Variants in TMEM132D observed in about 807,000 individuals in gnomAD.
TMEM132D encodes transmembrane protein 132D.
TMEM132D carries 21 observed loss-of-function variants against 62.3 expected under a neutral mutation model. The observed-to-expected ratio is 0.34, with a 90% CI of 0.24 to 0.49. The LOEUF is 0.49. TMEM132D is among the 20% of genes least tolerant of loss of function. The probability of loss-of-function intolerance (pLI) is 0.99; values close to 1 mark genes in which losing one functional copy is unlikely to be tolerated. For missense variants in TMEM132D, 1,346 were observed against 1,402.8 expected (o/e 0.96, Z 0.65); for synonymous variants, 621 against 575.6 (o/e 1.08, Z -1.13).
At chr12:129,491,856 C>T (rs2137060862) in intron 3 of TMEM132D, among the ~76,000 whole-genome samples, 1 of 152,136 alleles carries the variant, frequency 6.6e-6, no homozygotes, top group Middle Eastern at 3.4e-3. Context: ...GCAGGAGAAT[C>T]ACTTGAACTC....
chr12:129,778,376 A>G (rs979377614), intron 1 of TMEM132D, among the ~76,000 whole-genome samples: 2 of 152,046 alleles, frequency 1.3e-5, no homozygotes, highest in African/African-American at 4.8e-5. Flanking sequence ...CAGTCCTATA[A>G]AAGGCTTCAT....
At chr12:129,730,723 C>T (rs1293014514) in intron 1 of TMEM132D, among the ~76,000 whole-genome samples, 1 of 151,800 alleles carries the variant, frequency 6.6e-6, no homozygotes, top group African/African-American at 2.4e-5. Context: ...AATCAGCTGC[C>T]AGCACGGCTG....
intron 5 of TMEM132D, among the ~76,000 whole-genome samples, chr12:129,121,081 T>C (rs549159398): frequency 2.0e-5 from 3 of 151,412 alleles, no homozygotes; most frequent in Non-Finnish European, 4.4e-5. Flanking sequence ...CTGATTTTAT[T>C]TTATTATTTT....
chr12:129,523,190 T>C (rs555157712), intron 3 of TMEM132D, among the ~76,000 whole-genome samples: 83 of 152,316 alleles, frequency 5.4e-4, no homozygotes, highest in Middle Eastern at 6.8e-3. Flanking sequence ...TAGTAGCACA[T>C]AGTTTTCTAC....
intron 1 of TMEM132D, among the ~76,000 whole-genome samples, chr12:129,826,909 G>GA (rs1872678458): frequency 6.6e-6 from 1 of 152,168 alleles, no homozygotes; most frequent in Non-Finnish European, 1.5e-5. Flanking sequence ...AGTTGTGAAA[G>GA]AAAAATAGAG....
intron 4 of TMEM132D, among the ~76,000 whole-genome samples, chr12:129,305,750 T>G (rs1223351530): frequency 6.6e-6 from 1 of 152,158 alleles, no homozygotes. Context: ...ATAATAGCAC[T>G]GCGTCTCTCA....
chr12:129,466,126 A>T (rs1389247582), intron 3 of TMEM132D, among the ~76,000 whole-genome samples: 1 of 143,608 alleles, frequency 7.0e-6, no homozygotes, highest in Non-Finnish European at 1.6e-5. Context: ...CTATAGATTT[A>T]TTATTGATAA....
chr12:129,408,234 T>A (rs1320311026), intron 3 of TMEM132D, among the ~76,000 whole-genome samples: 1 of 152,242 alleles, frequency 6.6e-6, no homozygotes, highest in African/African-American at 2.4e-5. Context: ...TGCTTTTTCT[T>A]CATTATGCCT....
intron 1 of TMEM132D, among the ~76,000 whole-genome samples, chr12:129,757,650 C>T (rs1032719069): frequency 6.6e-6 from 1 of 152,170 alleles, no homozygotes; most frequent in African/African-American, 2.4e-5. Flanking sequence ...ATGACTTCCT[C>T]CAGAGCTGCC....
chr12:129,214,559 T>C (rs979635516), intron 4 of TMEM132D, among the ~76,000 whole-genome samples: 4 of 152,344 alleles, frequency 2.6e-5, no homozygotes, highest in African/African-American at 9.6e-5. Context: ...AAAATGACTA[T>C]AGTTTTTGGC....
intron 1 of TMEM132D, among the ~76,000 whole-genome samples, chr12:129,808,515 TGAAGGA>T (rs1321458384): frequency 6.6e-5 from 10 of 152,212 alleles, no homozygotes; most frequent in Non-Finnish European, 2.9e-5. Flanking sequence ...GTTATGAATG[TGAAGGA>T]TAAAGTGTAC....
intron 4 of TMEM132D, among the ~76,000 whole-genome samples, chr12:129,250,284 T>C (rs1056578018): frequency 6.6e-6 from 1 of 152,188 alleles, no homozygotes; most frequent in Non-Finnish European, 1.5e-5. Flanking sequence ...GACATCACAA[T>C]GTATGTATCA....
At chr12:129,561,168 T>C (rs1344910366) in intron 2 of TMEM132D, among the ~76,000 whole-genome samples, 1 of 152,154 alleles carries the variant, frequency 6.6e-6, no homozygotes, top group East Asian at 1.9e-4. Context: ...ATACTTAAGG[T>C]GGAACGTAAA....
chr12:129,702,544 GGC>G (rs1881407541), intron 1 of TMEM132D, among the ~76,000 whole-genome samples: 8 of 152,146 alleles, frequency 5.3e-5, no homozygotes, highest in Admixed American at 4.6e-4. Context: ...TGACCTCTCT[GGC>G]TGCATTATCA....
intron 1 of TMEM132D, among the ~76,000 whole-genome samples, chr12:129,785,011 A>G (rs1423212051): frequency 6.6e-6 from 1 of 152,184 alleles, no homozygotes; most frequent in Non-Finnish European, 1.5e-5. Context: ...CTTTAGGCCC[A>G]CTCAGTGGCA....
intron 2 of TMEM132D, among the ~76,000 whole-genome samples, chr12:129,612,962 T>C (rs1878815979): frequency 6.6e-6 from 1 of 152,230 alleles, no homozygotes; most frequent in Non-Finnish European, 1.5e-5. Flanking sequence ...AAAGTCTGTT[T>C]TTCAACTTTG....
chr12:129,681,741 G>C (rs2137208828), intron 2 of TMEM132D: 1 of 152,356 alleles, frequency 6.6e-6, no homozygotes, highest in South Asian at 2.1e-4. Context: ...AACAGTTAGA[G>C]AGGGTCAAAG....
chr12:129,294,860 G>C (rs1282041923), intron 4 of TMEM132D, among the ~76,000 whole-genome samples: 1 of 152,120 alleles, frequency 6.6e-6, no homozygotes, highest in Admixed American at 6.5e-5. Context: ...CTATGACTGT[G>C]TACTGTTTTC....
chr12:129,546,926 A>G (rs10847900), intron 2 of TMEM132D, among the ~76,000 whole-genome samples: 69,873 of 152,114 alleles, frequency 0.46, 16,937 homozygotes, highest in Non-Finnish European at 0.53. Flanking sequence ...ACAGTTTATT[A>G]ATAAGCTAAT....
Sources: allele counts gnomAD v4.1 joint callset (sites outside exome capture counted in the v4.1 genomes callset), GRCh38; gene constraint gnomAD v4.1.1; transcripts MANE v1.5; gene names NCBI Gene and HGNC (gene_info 2026-07-23, HGNC 2026-07-21).